Variants in TBC1D32 observed in about 807,000 individuals in gnomAD.
TBC1D32 encodes the protein protein broad-minded.
TBC1D32 carries 151 observed loss-of-function variants against 170.3 expected under a neutral mutation model. The ratio of observed to expected loss-of-function variants is 0.89; its 90% CI spans 0.78 to 1.01. The LOEUF is 1.01. TBC1D32 is among the 50% of genes least tolerant of loss of function. The pLI is 0.00. For synonymous variants in TBC1D32, 498 were observed against 488.0 expected (o/e 1.02, Z -0.27); for missense variants, 1,464 against 1,457.1 (o/e 1.00, Z -0.08).
At chr6:121,194,649 C>T (rs746998683) in intron 22 of TBC1D32, among the ~76,000 whole-genome samples, 5 of 152,334 alleles carry the variant, frequency 3.3e-5, no homozygotes, top group South Asian at 2.1e-4. Flanking sequence ...TTGGCAAATG[C>T]CTTTTTCTCC....
chr6:121,294,640 C>T lies in TBC1D32; in HGVS notation c.1161G>A (p.Gln387=), dbSNP rs750939640. The T allele has an allele frequency of 1.2e-6, 2 of 1,612,392 alleles. No homozygotes were observed. The highest frequency in any genetic ancestry group is 8.5e-7 in the Non-Finnish European group (1 of 1,179,204). ...YKSLVTTAIQ[Q]CVQYFEMCKT... is the part of the protein sequence containing the mutation. ...TACACATTTCAAAGTACTGAACACA[C>T]TGTTGAATGGCTGTAGTTACCTGAT... is the stretch of plus-strand genomic sequence containing the variant. The change falls in exon 11 of 32, where the codon CAG becomes CAA. Residue 387 remains glutamine, a synonymous_variant. Transcript: ENST00000398212.
chr6:121,302,100 T>C (rs913140384), intron 9 of TBC1D32, among the ~76,000 whole-genome samples: 7 of 152,310 alleles, frequency 4.6e-5, no homozygotes, highest in East Asian at 1.9e-4. Flanking sequence ...ATTTTTAATA[T>C]TGACCATGTT....
intron 24 of TBC1D32, among the ~76,000 whole-genome samples, chr6:121,132,281 T>C (rs893495671): frequency 6.6e-6 from 1 of 151,988 alleles, no homozygotes; most frequent in Non-Finnish European, 1.5e-5. Flanking sequence ...TTAAAGACAC[T>C]GAAAAACAGC....
intron 20 of TBC1D32, among the ~76,000 whole-genome samples, chr6:121,224,937 C>A (rs562334985): frequency 6.6e-6 from 1 of 151,660 alleles, no homozygotes; most frequent in Non-Finnish European, 1.5e-5. Flanking sequence ...GAAAATAATC[C>A]ATGATTAAAA....
In TBC1D32 at chr6:121,229,668, C is replaced by T. The variant is rs192436168; in HGVS notation, c.2365-6316G>A. Among the ~76,000 whole-genome samples the T allele has an allele frequency of 5.9e-5, 9 of 152,134 alleles. No homozygotes were observed. The East Asian group carries it at 9.7e-4, about 16-fold the overall frequency. Reference sequence around the variant, plus strand: ...AATTCTCGCAGACTGCAAATGATGACGTTCTACTTCCATCATTTTAAAAAA... The same window carrying T: ...AATTCTCGCAGACTGCAAATGATGATGTTCTACTTCCATCATTTTAAAAAA... On this transcript the variant is annotated intron_variant, in intron 20 of 31. Transcript: ENST00000398212.
chr6:121,239,055 C>A lies in TBC1D32; in HGVS notation c.2364+15G>T. The A allele has an allele frequency of 3.5e-6, 5 of 1,448,110 alleles. No homozygotes were observed. The highest frequency in any genetic ancestry group is 4.8e-6 in the Non-Finnish European group (5 of 1,040,288). The allele number at this position is 1,448,110 out of a possible 1,614,324, so 89.7% of individuals were successfully genotyped here. ...CTTTTCAAATCTGTGTATTATTAGT[C>A]AAATAACTTCTTACCTTTTGACAGC... On this transcript the variant is annotated intron_variant, in intron 20 of 31. Transcript: ENST00000398212.
At chr6:121,258,441 TTC>T (rs1315774749) in intron 15 of TBC1D32, among the ~76,000 whole-genome samples, 2 of 152,100 alleles carry the variant, frequency 1.3e-5, no homozygotes, top group Non-Finnish European at 2.9e-5. Context: ...TCTTTTTTTT[TTC>T]TGTTTTTTGT....
chr6:121,089,548 G>A (rs1776597818), intron 31 of TBC1D32, among the ~76,000 whole-genome samples: 1 of 152,102 alleles, frequency 6.6e-6, no homozygotes, highest in Non-Finnish European at 1.5e-5. Context: ...ACCTCTTAGA[G>A]AGCATTCTTT....
chr6:121,278,681 G>A (rs1802557104), intron 15 of TBC1D32, among the ~76,000 whole-genome samples: 1 of 152,032 alleles, frequency 6.6e-6, no homozygotes, highest in Non-Finnish European at 1.5e-5. Flanking sequence ...GCAGGGTAAT[G>A]TATAAAATAT....
chr6:121,249,135 A>G (rs541845590), intron 17 of TBC1D32, among the ~76,000 whole-genome samples: 1 of 152,000 alleles, frequency 6.6e-6, no homozygotes, highest in East Asian at 1.9e-4. Flanking sequence ...CATGATCACA[A>G]TGTAGGGATG....
intron 22 of TBC1D32, among the ~76,000 whole-genome samples, chr6:121,190,949 C>T (rs1204056307): frequency 6.7e-6 from 1 of 149,644 alleles, no homozygotes; most frequent in Admixed American, 6.6e-5. Context: ...GGAAGAAAAA[C>T]ATTTCTTTTC....
At chr6:121,332,103 T>C (rs779869819) in intron 1 of TBC1D32, among the ~76,000 whole-genome samples, 5 of 152,032 alleles carry the variant, frequency 3.3e-5, no homozygotes, top group African/African-American at 4.8e-5. Context: ...GGTAATACAG[T>C]ATTACAAGAG....
At chr6:121,217,280 T>A (rs927156486) in intron 21 of TBC1D32, among the ~76,000 whole-genome samples, 2 of 152,236 alleles carry the variant, frequency 1.3e-5, no homozygotes, top group Admixed American at 1.3e-4. Context: ...CAGAAGCAAT[T>A]TGCCTTCAGC....
At position 121,239,208 on chromosome 6, in the gene TBC1D32, C is replaced by A; in HGVS notation, c.2246-20G>T. On this transcript the variant is annotated intron_variant, in intron 19 of 31. Coordinates refer to ENST00000398212, the MANE Select transcript of TBC1D32 (RefSeq NM_152730.6). Reference sequence around the variant, plus strand: ...TAAACCCTAAAAAGAATTATTACTTCAAGTCATTTATAGCATAATATTTCT... The same window carrying A: ...TAAACCCTAAAAAGAATTATTACTTAAAGTCATTTATAGCATAATATTTCT... 7.3e-7 allele frequency: 1 copy of A among 1,375,880 alleles called. No homozygotes were observed. The highest frequency in any genetic ancestry group is 1.2e-5 in the South Asian group (1 of 80,158). 85.2% of individuals were successfully genotyped at this position (1,375,880 alleles called of 1,614,324 possible). A position where few individuals can be genotyped will look rare whatever the true frequency, so the allele number is the denominator to read the frequency against.
chr6:121,283,679 A>G (rs1803367013), intron 13 of TBC1D32, 139 bp downstream of exon 13: 1 of 583,340 alleles, frequency 1.7e-6, no homozygotes, highest in Non-Finnish European at 3.0e-6. Flanking sequence ...TTCAGGACCA[A>G]TGTAATTTCT....
intron 19 of TBC1D32, among the ~76,000 whole-genome samples, chr6:121,240,428 C>A (rs1174709642): frequency 8.6e-6 from 1 of 116,136 alleles, no homozygotes; most frequent in Non-Finnish European, 1.6e-5. Flanking sequence ...CAAATTAGTT[C>A]AGCCCAAAAA....
chr6:121,156,130 A>G (rs780638514), intron 24 of TBC1D32, among the ~76,000 whole-genome samples: 1 of 149,048 alleles, frequency 6.7e-6, no homozygotes, highest in African/African-American at 2.4e-5. Flanking sequence ...GTATGAATCC[A>G]TCTGGTCCCA....
intron 31 of TBC1D32, among the ~76,000 whole-genome samples, chr6:121,087,571 TCTTCA>T (rs1776383038): frequency 6.6e-6 from 1 of 152,216 alleles, no homozygotes. Flanking sequence ...GAATTGTGTA[TCTTCA>T]CTTCCTCAAT....
intron 22 of TBC1D32, among the ~76,000 whole-genome samples, chr6:121,162,561 T>A (rs536561594): frequency 6.6e-6 from 1 of 152,096 alleles, no homozygotes; most frequent in Non-Finnish European, 1.5e-5. Context: ...AGGGCAATCA[T>A]GCAAGAGAAA....
Sources: gnomAD v4.1 joint callset for allele counts (sites outside exome capture counted in the v4.1 genomes callset) on GRCh38, gnomAD v4.1.1 for gene constraint, MANE v1.5 for transcripts, NCBI Gene and HGNC (gene_info 2026-07-23, HGNC 2026-07-21) for gene names.